The following ATP2C2 variants were observed in gnomAD, a reference collection of about 807,000 sequenced individuals.
The protein encoded by ATP2C2 is ATPase secretory pathway Ca2+ transporting 2.
Under a neutral mutation model 110.8 loss-of-function variants are expected in ATP2C2, and 171 were observed. That is an observed-to-expected ratio of 1.54 (90% CI 1.36 to 1.75). The LOEUF is 1.75. ATP2C2 is among the 40% of genes most tolerant of loss of function. The probability of loss-of-function intolerance (pLI) is 0.00; values close to 1 mark genes in which losing one functional copy is unlikely to be tolerated. For synonymous variants in ATP2C2, 804 were observed against 508.4 expected, an observed-to-expected ratio of 1.58 and a Z score of -7.82; for missense variants, 1,963 against 1,235.0, an observed-to-expected ratio of 1.59 and a Z score of -8.84.
At chr16:84,401,388 C>G (rs1439092612) in intron 2 of ATP2C2, among the ~76,000 whole-genome samples, 6 of 152,042 alleles carry the variant, frequency 3.9e-5, no homozygotes, top group Admixed American at 6.6e-5. Context: ...CCACATCCAG[C>G]TAATTTTTGT....
chr16:84,425,274 T>G (rs963479259), intron 10 of ATP2C2, among the ~76,000 whole-genome samples: 1 of 152,146 alleles, frequency 6.6e-6, no homozygotes, highest in African/African-American at 2.4e-5. Context: ...GCAGTACGTA[T>G]TTGGTAAATT....
At chr16:84,369,784 T>A (rs919403115) in intron 1 of ATP2C2, among the ~76,000 whole-genome samples, 2 of 152,250 alleles carry the variant, frequency 1.3e-5, no homozygotes, top group African/African-American at 2.4e-5. Context: ...TTGTGCTTTT[T>A]TAAAAATAGT....
In ATP2C2 at chr16:84,404,134, C is replaced by G. The variant is rs553531141; in HGVS notation, c.211-994C>G. Reference sequence around the variant, plus strand: ...TGGATGCCACTCTCCAGGAATATCCCCACGTTCAGGTACGTGAAAACTCAC... The same window carrying G: ...TGGATGCCACTCTCCAGGAATATCCGCACGTTCAGGTACGTGAAAACTCAC... On this transcript the variant is annotated intron_variant, in intron 2 of 26. Transcript: ENST00000262429. 1.2e-3 allele frequency among the ~76,000 whole-genome samples: 189 copies of G among 152,316 alleles called. 1 individual carries two copies. Among genetic ancestry groups the G allele is most frequent in the Non-Finnish European group, 1.5e-3 (104 of 68,030 alleles).
chr16:84,403,025 C>G (rs557751874), intron 2 of ATP2C2, among the ~76,000 whole-genome samples: 1 of 152,196 alleles, frequency 6.6e-6, no homozygotes, highest in South Asian at 2.1e-4. Context: ...TTCTGTGTGT[C>G]TAGGAATTTA....
chr16:84,405,804 C>T (rs539926169), intron 3 of ATP2C2, among the ~76,000 whole-genome samples: 1 of 152,220 alleles, frequency 6.6e-6, no homozygotes, highest in Non-Finnish European at 1.5e-5. Context: ...CCTGTAATCC[C>T]AGCTACTGAG....
intron 1 of ATP2C2, among the ~76,000 whole-genome samples, chr16:84,393,472 G>A (rs1228919696): frequency 6.6e-6 from 1 of 152,118 alleles, no homozygotes; most frequent in African/African-American, 2.4e-5. Context: ...CTATGTCCCG[G>A]TGGCCTTGAA....
At chr16:84,435,559 C>A (rs904345693) in intron 11 of ATP2C2, among the ~76,000 whole-genome samples, 1 of 152,214 alleles carries the variant, frequency 6.6e-6, no homozygotes, top group Non-Finnish European at 1.5e-5. Flanking sequence ...AGCTTGGAGG[C>A]TCATGCCTGT....
At chr16:84,423,125 T>C (rs1424460972) in intron 9 of ATP2C2, 63 bp from the exon 10 acceptor site, 1 of 1,453,012 alleles carries the variant, frequency 6.9e-7, no homozygotes, top group Non-Finnish European at 9.7e-7. Flanking sequence ...TGAAGACATT[T>C]TGAACAAAGG....
In ATP2C2 at chr16:84,462,068, G is replaced by C. The variant is rs1176585149; in HGVS notation, c.2661G>C (p.Leu887=). ...YSVLGSILGQ[L]AVIYIPPLQR... is the part of the protein sequence containing the mutation. ...TCCTGGGGTCCATCCTGGGGCAGCTGGCGGTCATTTACATCCCCCCGCTGC... is the reference window on the plus strand; with the variant it reads ...TCCTGGGGTCCATCCTGGGGCAGCTCGCGGTCATTTACATCCCCCCGCTGC... The change falls in exon 26 of 27, where the codon CTG becomes CTC. Residue 887 remains leucine, a synonymous_variant. Transcript: ENST00000262429. 1.9e-6 allele frequency: 3 copies of C among 1,613,908 alleles called. No homozygotes were observed. Among genetic ancestry groups the C allele is most frequent in the East Asian group, 4.5e-5 (2 of 44,884 alleles).
chr16:84,455,542 T>A (rs1162028176), intron 21 of ATP2C2, among the ~76,000 whole-genome samples: 1 of 146,336 alleles, frequency 6.8e-6, no homozygotes, highest in Admixed American at 7.1e-5. Context: ...CTTTTCTGTA[T>A]TTTTTTCTTA....
intron 1 of ATP2C2, among the ~76,000 whole-genome samples, chr16:84,375,854 A>G (rs1264074086): frequency 6.6e-6 from 1 of 151,098 alleles, no homozygotes; most frequent in Non-Finnish European, 1.5e-5. Context: ...TTTTGTAGAC[A>G]GAAAAAAAGG....
chr16:84,438,839 A>C (rs1232528909), intron 11 of ATP2C2, among the ~76,000 whole-genome samples: 1 of 152,226 alleles, frequency 6.6e-6, no homozygotes, highest in African/African-American at 2.4e-5. Context: ...TATGGAACCC[A>C]AAGCCTTTTC....
intron 1 of ATP2C2, among the ~76,000 whole-genome samples, chr16:84,386,195 T>A (rs1382854137): frequency 6.6e-6 from 1 of 152,192 alleles, no homozygotes; most frequent in Non-Finnish European, 1.5e-5. Flanking sequence ...GAAAGCAAGA[T>A]CTGGTAGTAT....
At chr16:84,426,955 T>C (rs1292356175) in intron 11 of ATP2C2, among the ~76,000 whole-genome samples, 1 of 152,134 alleles carries the variant, frequency 6.6e-6, no homozygotes, top group African/African-American at 2.4e-5. Context: ...GCGGTTTGAC[T>C]TTGTCAGTAG....
chr16:84,449,663 C>A (rs1279398008), intron 17 of ATP2C2, among the ~76,000 whole-genome samples: 1 of 152,184 alleles, frequency 6.6e-6, no homozygotes, highest in African/African-American at 2.4e-5. Flanking sequence ...TAAGAAGGTC[C>A]TTTTCACCTC....
chr16:84,369,573 G>T (rs1428994183), intron 1 of ATP2C2, among the ~76,000 whole-genome samples: 2 of 151,678 alleles, frequency 1.3e-5, no homozygotes, highest in African/African-American at 4.9e-5. Flanking sequence ...CCCCTGGGTT[G>T]CTAATTAGAA....
intron 23 of ATP2C2, 190 bp from the exon 24 acceptor site, chr16:84,460,464 C>T: frequency 2.6e-6 from 2 of 758,656 alleles, no homozygotes. Context: ...GCACAGCTGC[C>T]CATGGACCCA....
At position 84,368,683 on chromosome 16, in the gene ATP2C2, A is replaced by G; in HGVS notation, c.68A>G (p.Gln23Arg). The G allele has an allele frequency of 1.3e-6, 2 of 1,554,440 alleles. No individual in the cohort carries two copies. Among genetic ancestry groups the G allele is most frequent in the Non-Finnish European group, 1.7e-6 (2 of 1,153,202 alleles). Residue 23 changes from glutamine to arginine, a missense_variant, in exon 1 of 27, where the codon CAG (glutamine) becomes CGG (arginine). Physicochemically the swap from Gln to Arg is conservative, Grantham distance 43. Transcript: ENST00000262429. ...LGFSGGGRQY[Q>R]ALEKDEEEAL... ...TTCTCGGGCGGGGGCCGCCAGTACC[A>G]GGCGCTGGAGAAGGACGAAGAGGAA... is the stretch of plus-strand genomic sequence containing the variant.
chr16:84,390,678 G>C (rs569568256), intron 1 of ATP2C2, among the ~76,000 whole-genome samples: 18 of 152,294 alleles, frequency 1.2e-4, no homozygotes, highest in African/African-American at 4.3e-4. Context: ...CTGGCGGGCG[G>C]TGAAAGTGTT....
Sources: gnomAD v4.1 joint callset for allele counts (sites outside exome capture counted in the v4.1 genomes callset) on GRCh38, gnomAD v4.1.1 for gene constraint, MANE v1.5 for transcripts, NCBI Gene and HGNC (gene_info 2026-07-23, HGNC 2026-07-21) for gene names.